Variants in TRIM41 observed in about 807,000 individuals in gnomAD.
TRIM41 encodes the protein tripartite motif containing 41, also known as E3 ubiquitin-protein ligase TRIM41.
Under a neutral mutation model 60.6 loss-of-function variants are expected in TRIM41, and 21 were observed. That is an observed-to-expected ratio of 0.35 (90% CI 0.25 to 0.50). The LOEUF (loss-of-function observed/expected upper bound fraction) is 0.50, where lower values mean the gene tolerates loss of function less well. Ranked by LOEUF, TRIM41 falls within the 20% of genes least tolerant of loss-of-function variation. The pLI is 0.98. For missense variants in TRIM41, 846 were observed against 868.3 expected (o/e 0.97, Z 0.32); for synonymous variants, 407 against 344.9 (o/e 1.18, Z -2.00).
chr5:181,230,713 A>G, intron 1 of TRIM41, 31 bp from the exon 2 acceptor site: 1 of 1,594,974 alleles, frequency 6.3e-7, no homozygotes, highest in Non-Finnish European at 8.6e-7. Flanking sequence ...TGCCTCTCCC[A>G]GCCCCCACTT....
At position 181,234,101 on chromosome 5, in the gene TRIM41, A is replaced by C. The variant is rs550406545; in HGVS notation, c.1292-73A>C. ...TGGATTCAGGGAGAAAGGGGGCCCA[A>C]TCTGTGGAGTTGGCTGCTGACAGGG... On this transcript the variant is annotated intron_variant, in intron 5 of 5. Transcript: ENST00000315073. The surrounding 1 kb of genome is among the most constrained non-coding windows in gnomAD (Gnocchi z 5.6). 1 of 1,598,454 alleles carries C rather than the reference A, an allele frequency of 6.3e-7. No homozygotes were observed. Among genetic ancestry groups the C allele is most frequent in the African/African-American group, 1.3e-5 (1 of 74,956 alleles).
At position 181,234,842 on chromosome 5, in the gene TRIM41, A is replaced by G. The variant is rs1759007080; in HGVS notation, c.*67A>G. 1.2e-6 allele frequency: 2 copies of G among 1,607,398 alleles called. No individual in the cohort carries two copies. Among genetic ancestry groups the G allele is most frequent in the African/African-American group, 1.3e-5 (1 of 74,748 alleles). On this transcript the variant is annotated 3_prime_UTR_variant, in exon 6 of 6. Transcript: ENST00000315073. This position sits in a 1 kb window ranked among gnomAD's most constrained non-coding sequence, Gnocchi z 5.6. ...GGGTGGGTGGTGGAGGGTGGCCCGT[A>G]AGTTTGAGGGCTCAAAGGCTCTTCC... is the stretch of plus-strand genomic sequence containing the variant.
rs1758877013 is a variant in TRIM41, at chr5:181,233,014, G to A, written c.1140+125G>A. ...GGAACCCACAGTGATTGAACCTGAA[G>A]ACCAAAAACATGTTTTAAAGCTGGA... is the stretch of plus-strand genomic sequence containing the variant. On this transcript the variant is annotated intron_variant, in intron 3 of 5. Transcript: ENST00000315073. This position sits in a 1 kb window ranked among gnomAD's most constrained non-coding sequence, Gnocchi z 4.1. The A allele has an allele frequency of 2.1e-6, 2 of 966,512 alleles. No homozygotes were observed. Among genetic ancestry groups the A allele is most frequent in the Non-Finnish European group, 3.2e-6 (2 of 627,016 alleles). The allele number at this position is 966,512 out of a possible 1,614,324, so 59.9% of individuals were successfully genotyped here.
In TRIM41 at chr5:181,233,552, GA is replaced by G; in HGVS notation, c.1164-83del. The G allele has an allele frequency of 6.2e-7, 1 of 1,610,124 alleles. No homozygotes were observed. Among genetic ancestry groups the G allele is most frequent in the Non-Finnish European group, 8.5e-7 (1 of 1,177,306 alleles). The stretch of plus-strand genomic sequence containing the variant: ...CCAGGACCTGAGTTTCCATCTCCTG[GA>G]CCCTCCTCTCCTTCCCCTCAGCTTT... On this transcript the variant is annotated intron_variant, in intron 4 of 5. Transcript: ENST00000315073. This position sits in a 1 kb window ranked among gnomAD's most constrained non-coding sequence, Gnocchi z 4.1.
rs973360383 is a variant in TRIM41 at position 181,233,613 on chromosome 5, C to A, written c.1164-23C>A. The A allele has an allele frequency of 6.2e-7, 1 of 1,613,532 alleles. No homozygotes were observed. The highest frequency in any genetic ancestry group is 8.5e-7 in the Non-Finnish European group (1 of 1,179,550). On this transcript the variant is annotated intron_variant, in intron 4 of 5. Coordinates refer to ENST00000315073, the MANE Select transcript of TRIM41 (RefSeq NM_033549.5). The surrounding 1 kb of genome is among the most constrained non-coding windows in gnomAD (Gnocchi z 4.1). ...CTCTGGGAATATCGTGGTCCCACCC[C>A]CTGCCCGGTCCCCTTCCTCCAGGTG...
Position 181,235,432 on chromosome 5 carries a change from T to C in TRIM41, c.*657T>C. 6.2e-7 allele frequency: 1 copy of C among 1,612,318 alleles called. No individual in the cohort carries two copies. The highest frequency in any genetic ancestry group is 8.5e-7 in the Non-Finnish European group (1 of 1,178,644). On this transcript the variant is annotated 3_prime_UTR_variant, in exon 6 of 6. Coordinates refer to ENST00000315073, the MANE Select transcript of TRIM41 (RefSeq NM_033549.5). ...GAAACCACGCACCATTACATCATCA[T>C]TACATTAATTACATCAACATAAATT...
Position 181,234,672 on chromosome 5 carries a change from C to G in TRIM41, c.1790C>G (p.Thr597Ser). ...CGCCTGGGCTTCTACAACGCAGAGA[C>G]TCTAGCCCACGTGCACACCTTCTCG... ...AGRLGFYNAE[T>S]LAHVHTFSAA... The change falls in exon 6 of 6, where the codon ACT becomes AGT. Residue 597 changes from threonine (T) to serine (S), a missense_variant. Thr to Ser is a moderately conservative substitution (Grantham distance 58, BLOSUM62 1). Transcript: ENST00000315073. The surrounding 1 kb of genome is among the most constrained non-coding windows in gnomAD (Gnocchi z 5.6). The G allele has an allele frequency of 6.2e-7, 1 of 1,614,250 alleles. No individual in the cohort carries two copies. The highest frequency in any genetic ancestry group is 2.2e-5 in the East Asian group (1 of 44,880).
chr5:181,234,195 A>T lies in TRIM41; in HGVS notation c.1313A>T (p.Asp438Val). The change falls in exon 6 of 6, where the codon GAC becomes GTC. Residue 438 changes from aspartate to valine, a missense_variant. By Grantham distance (152) the Asp-to-Val change is radical. Transcript: ENST00000315073. The surrounding 1 kb of genome is among the most constrained non-coding windows in gnomAD (Gnocchi z 5.6). ...AARVDLTLDP[D>V]TAHPALMLSP... ...CAAGTGGACCTGACGCTGGACCCTG[A>T]CACGGCTCACCCGGCCCTGATGCTG... is the stretch of plus-strand genomic sequence containing the variant. 1.2e-6 allele frequency: 2 copies of T among 1,612,312 alleles called. No individual in the cohort carries two copies. The highest frequency in any genetic ancestry group is 1.7e-6 in the Non-Finnish European group (2 of 1,179,948).
At position 181,233,974 on chromosome 5, in the gene TRIM41, G is replaced by T; in HGVS notation, c.1292-200G>T. ...GGGGTGGGGTGGAGTGGCAGGAAGA[G>T]CCAGGCTGGGGGAAGACCTGTCAGG... On this transcript the variant is annotated intron_variant, in intron 5 of 5. Coordinates refer to ENST00000315073, the MANE Select transcript of TRIM41 (RefSeq NM_033549.5). This position sits in a 1 kb window ranked among gnomAD's most constrained non-coding sequence, Gnocchi z 4.1. 1 of 1,170,538 alleles carries T rather than the reference G, an allele frequency of 8.5e-7. No individual in the cohort carries two copies. Among genetic ancestry groups the T allele is most frequent in the East Asian group, 2.5e-5 (1 of 39,452 alleles). The allele number at this position is 1,170,538 out of a possible 1,614,324, so 72.5% of individuals were successfully genotyped here.
In TRIM41 at chr5:181,234,558, A is replaced by G. The variant is rs757149132; in HGVS notation, c.1676A>G (p.Tyr559Cys). 6.8e-6 allele frequency: 11 copies of G among 1,614,092 alleles called. No individual in the cohort carries two copies. Among genetic ancestry groups the G allele is most frequent in the African/African-American group, 1.3e-5 (1 of 74,944 alleles). The change falls in exon 6 of 6, where the codon TAT becomes TGT. Residue 559 changes from tyrosine to cysteine, a missense_variant. Tyr to Cys is a radical substitution (Grantham distance 194). Coordinates refer to ENST00000315073, the MANE Select transcript of TRIM41 (RefSeq NM_033549.5). This position sits in a 1 kb window ranked among gnomAD's most constrained non-coding sequence, Gnocchi z 5.6. Reference protein sequence around the residue: ...VWCVGTNGKRYQAQSSTEQTL... With the variant: ...VWCVGTNGKRCQAQSSTEQTL... ...TGCGTGGGCACCAACGGCAAACGCTATCAGGCCCAGAGCTCCACAGAACAG... is the reference window on the plus strand; with the variant it reads ...TGCGTGGGCACCAACGGCAAACGCTGTCAGGCCCAGAGCTCCACAGAACAG...
At chr5:181,230,578 T>C in intron 1 of TRIM41, 166 bp from the exon 2 acceptor site, 1 of 411,938 alleles carries the variant, frequency 2.4e-6, no homozygotes, top group Admixed American at 3.4e-5. Flanking sequence ...GCTTTTGTCA[T>C]CATCTGAAAG....
intron 2 of TRIM41, 155 bp downstream of exon 2, chr5:181,230,994 C>T (rs1758774088): frequency 8.3e-6 from 5 of 604,190 alleles, no homozygotes; most frequent in African/African-American, 3.7e-5. Context: ...CTGAGGAGAG[C>T]GGGGCCTTAG....
rs529128801 is a variant in TRIM41, at chr5:181,235,625, AGGG to A, written c.*853_*855del. The A allele has an allele frequency of 3.5e-6, 2 of 570,706 alleles. No individual in the cohort carries two copies. Among genetic ancestry groups the A allele is most frequent in the South Asian group, 4.7e-5 (2 of 42,716 alleles). The allele number at this position is 570,706 out of a possible 1,614,324, so 35.4% of individuals were successfully genotyped here. On this transcript the variant is annotated 3_prime_UTR_variant, in exon 6 of 6. Coordinates refer to ENST00000315073, the MANE Select transcript of TRIM41 (RefSeq NM_033549.5). ...CTTTCACTCCATTTGGCAAGCTCTG[AGGG>A]GGAGCCTGGGGACGGGTTTGGGTCC... is the stretch of plus-strand genomic sequence containing the variant.
chr5:181,225,154 A>C (rs1027536219), intron 1 of TRIM41: 1 of 345,898 alleles, frequency 2.9e-6, no homozygotes, highest in Admixed American at 4.6e-5. Context: ...CTAGAGATGG[A>C]AAGAACTGGG....
rs371105860 is a variant in TRIM41 at position 181,234,913 on chromosome 5, C to T, written c.*138C>T. On this transcript the variant is annotated 3_prime_UTR_variant, in exon 6 of 6. Coordinates refer to ENST00000315073, the MANE Select transcript of TRIM41 (RefSeq NM_033549.5). The surrounding 1 kb of genome is among the most constrained non-coding windows in gnomAD (Gnocchi z 5.6). ...CTTCCCACTCCCCCTTGACCCCAGGCCCCTGCTTCTCCCTCTAGGAGCCTA... is the reference window on the plus strand; with the variant it reads ...CTTCCCACTCCCCCTTGACCCCAGGTCCCTGCTTCTCCCTCTAGGAGCCTA... 2.1e-4 allele frequency: 332 copies of T among 1,613,300 alleles called. No individual in the cohort carries two copies. Among genetic ancestry groups the T allele is most frequent in the Non-Finnish European group, 2.1e-4 (248 of 1,180,002 alleles).
chr5:181,230,541 C>A (rs2113170643), intron 1 of TRIM41: 5 of 245,316 alleles, frequency 2.0e-5, no homozygotes, highest in Non-Finnish European at 2.4e-5. Flanking sequence ...CACAGGGCTT[C>A]TGCAGACGTG....
intron 2 of TRIM41, chr5:181,231,571 A>G (rs1758802940): frequency 6.5e-6 from 1 of 153,270 alleles, no homozygotes; most frequent in Admixed American, 6.5e-5. Flanking sequence ...GGGCCTTGCC[A>G]CTACCCAGGG....
Position 181,224,827 on chromosome 5 carries a change from G to A in TRIM41, c.813+15G>A. 1 of 1,614,162 alleles carries A rather than the reference G, an allele frequency of 6.2e-7. No individual in the cohort carries two copies. Among genetic ancestry groups the A allele is most frequent in the South Asian group, 1.1e-5 (1 of 91,080 alleles). ...AGGAGTACAAGGTGAGAGAAGTACA[G>A]AGAGAAGATGGGAGTTTAGTGGGGG... On this transcript the variant is annotated intron_variant, in intron 1 of 5. Transcript: ENST00000315073.
rs940307295 is a variant in TRIM41 at position 181,233,062 on chromosome 5, G to T, written c.1140+173G>T. The T allele has an allele frequency of 1.2e-5, 9 of 769,114 alleles. No homozygotes were observed. The African/African-American group carries it at 1.2e-4, about 10-fold the overall frequency. The allele number at this position is 769,114 out of a possible 1,614,324, so 47.6% of individuals were successfully genotyped here. A position where few individuals can be genotyped will look rare whatever the true frequency, so the allele number is the denominator to read the frequency against. On this transcript the variant is annotated intron_variant, in intron 3 of 5. Coordinates refer to ENST00000315073, the MANE Select transcript of TRIM41 (RefSeq NM_033549.5). This position sits in a 1 kb window ranked among gnomAD's most constrained non-coding sequence, Gnocchi z 4.1. ...GGAAACAGAGTTAATGTCGAATGTGGTATGTGTGGCGATTATACCCAGTGA... is the reference window on the plus strand; with the variant it reads ...GGAAACAGAGTTAATGTCGAATGTGTTATGTGTGGCGATTATACCCAGTGA...
Sources: gnomAD v4.1 joint callset for allele counts on GRCh38, gnomAD v4.1.1 for gene constraint, Gnocchi (gnomAD v3.1) non-coding constraint, MANE v1.5 for transcripts, NCBI Gene and HGNC (gene_info 2026-07-23, HGNC 2026-07-21) for gene names.